The following UNC13C variants were observed in gnomAD, a reference collection of about 807,000 sequenced individuals.
UNC13C encodes protein unc-13 homolog C.
UNC13C carries 174 observed loss-of-function variants against 245.4 expected under a neutral mutation model. The observed-to-expected ratio is 0.71, with a 90% CI of 0.63 to 0.80. The LOEUF (loss-of-function observed/expected upper bound fraction) is 0.80, where lower values mean the gene tolerates loss of function less well. UNC13C is among the 30% of genes least tolerant of loss of function. UNC13C has a pLI of 0.00. For missense variants in UNC13C, 2,829 were observed against 2,602.9 expected (o/e 1.09, Z -1.89); for synonymous variants, 992 against 895.1 (o/e 1.11, Z -1.93).
At chr15:54,414,184 T>A (rs1398147759) in intron 18 of UNC13C, among the ~76,000 whole-genome samples, 1 of 152,158 alleles carries the variant, frequency 6.6e-6, no homozygotes, top group East Asian at 1.9e-4. Flanking sequence ...GAGTGAGGAA[T>A]CTTTGTTCAT....
intron 2 of UNC13C, among the ~76,000 whole-genome samples, chr15:54,046,447 G>A (rs759463681): frequency 1.3e-5 from 2 of 151,974 alleles, no homozygotes; most frequent in Middle Eastern, 3.2e-3. Context: ...ATATTTCAAC[G>A]TAATTTTAAT....
the UNC13C span, among the ~76,000 whole-genome samples, chr15:53,902,944 G>C: frequency 6.6e-5 from 10 of 152,330 alleles, no homozygotes; most frequent in Non-Finnish European, 1.5e-4. Flanking sequence ...CAAAGGGTTG[G>C]TAGGGACAGT....
At position 54,623,802 on chromosome 15, in the gene UNC13C, T is replaced by G. The variant is rs376895148; in HGVS notation, c.6207T>G (p.Ala2069=). ...GDHKVTVKVI[A]INDLNWQTTA... The stretch of plus-strand genomic sequence containing the variant: ...ATATTTCCTTTTTTTTAGTGATTGC[T>G]ATTAATGACCTAAACTGGCAGACCA... The change falls in exon 32 of 33, where the codon GCT becomes GCG. Residue 2069 remains alanine (A), a synonymous_variant. Coordinates refer to ENST00000260323, the MANE Select transcript of UNC13C (RefSeq NM_001080534.3). 6 of 1,611,964 alleles carry G rather than the reference T, an allele frequency of 3.7e-6. No homozygotes were observed. The African/African-American group carries it at 5.3e-5, about 14-fold the overall frequency.
chr15:54,009,812 AACTTTCTT>A (rs1895303635), intron 1 of UNC13C, among the ~76,000 whole-genome samples: 1 of 152,142 alleles, frequency 6.6e-6, no homozygotes, highest in Non-Finnish European at 1.5e-5. Flanking sequence ...CCAAGGAAGT[AACTTTCTT>A]ATGACCACAC....
chr15:54,585,893 C>G (rs1898465039), intron 30 of UNC13C, among the ~76,000 whole-genome samples: 1 of 152,160 alleles, frequency 6.6e-6, no homozygotes. Flanking sequence ...CCTAAATTCC[C>G]TTAGTAATTG....
At chr15:53,898,206 C>T in the UNC13C span, among the ~76,000 whole-genome samples, 8,417 of 150,942 alleles carry the variant, frequency 0.056, 296 homozygotes, top group Middle Eastern at 0.15. Context: ...ACCACCACCA[C>T]CATCATCATC....
chr15:54,363,435 A>G (rs2039283556), intron 17 of UNC13C, among the ~76,000 whole-genome samples: 1 of 152,188 alleles, frequency 6.6e-6, no homozygotes, highest in Admixed American at 6.5e-5. Context: ...TATCGAGGTG[A>G]ATATGTCACA....
intron 2 of UNC13C, among the ~76,000 whole-genome samples, chr15:54,082,633 G>C (rs1054064876): frequency 6.6e-6 from 1 of 152,114 alleles, no homozygotes; most frequent in African/African-American, 2.4e-5. Flanking sequence ...TTTTGGAGTT[G>C]TCAAAACACT....
Position 54,144,294 on chromosome 15 carries a change from A to G in UNC13C, c.3071+610A>G, listed in dbSNP as rs189648804. On this transcript the variant is annotated intron_variant, in intron 4 of 32. Transcript: ENST00000260323. ...ATTTTTCTACGTGTTTGCAATACGT[A>G]TCTGTGTTCATATAAAATAAGTAGT... Among the ~76,000 whole-genome samples the G allele has an allele frequency of 7.9e-4, 119 of 151,206 alleles. 1 individual carries two copies. Among genetic ancestry groups the G allele is most frequent in the Non-Finnish European group, 2.9e-4 (20 of 67,868 alleles).
chr15:54,517,117 A>G (rs1234436875), intron 24 of UNC13C, among the ~76,000 whole-genome samples: 1 of 152,136 alleles, frequency 6.6e-6, no homozygotes, highest in Non-Finnish European at 1.5e-5. Flanking sequence ...AACAGAGGCC[A>G]AATTTTACAT....
At chr15:54,530,726 C>G (rs1189191755) in intron 25 of UNC13C, among the ~76,000 whole-genome samples, 1 of 152,056 alleles carries the variant, frequency 6.6e-6, no homozygotes, top group Admixed American at 6.6e-5. Flanking sequence ...GGGAATATAA[C>G]AGTGGCCATG....
chr15:54,161,484 T>A (rs952432162), intron 4 of UNC13C, among the ~76,000 whole-genome samples: 2 of 152,110 alleles, frequency 1.3e-5, no homozygotes, highest in Non-Finnish European at 2.9e-5. Context: ...ATTTATTAAT[T>A]TAATTATATT....
intron 29 of UNC13C, among the ~76,000 whole-genome samples, chr15:54,559,390 T>C (rs189993742): frequency 6.6e-6 from 1 of 152,060 alleles, no homozygotes; most frequent in African/African-American, 2.4e-5. Context: ...CAAGGGCTTT[T>C]TCTCAGCATC....
At position 53,989,896 on chromosome 15, in the gene UNC13C, C is replaced by T. The variant is rs544479155; in HGVS notation, c.-257+10969C>T. Among the ~76,000 whole-genome samples the T allele has an allele frequency of 7.2e-5, 11 of 152,116 alleles. No homozygotes were observed. The East Asian group carries it at 2.1e-3, about 29-fold the overall frequency. Reference sequence around the variant, plus strand: ...CATCTCAGAGTTTGGAGATCTCTGACACTGTCATGATAAGGAAACCAGAGG... The same window carrying T: ...CATCTCAGAGTTTGGAGATCTCTGATACTGTCATGATAAGGAAACCAGAGG... On this transcript the variant is annotated intron_variant, in intron 1 of 32. Transcript: ENST00000260323.
At chr15:54,400,886 G>A (rs2040168084) in intron 18 of UNC13C, among the ~76,000 whole-genome samples, 1 of 152,080 alleles carries the variant, frequency 6.6e-6, no homozygotes, top group Admixed American at 6.6e-5. Context: ...GTCTCCTAAT[G>A]TTAAGAAAAT....
intron 22 of UNC13C, among the ~76,000 whole-genome samples, chr15:54,505,665 C>T (rs1429665432): frequency 1.3e-5 from 2 of 151,272 alleles, no homozygotes; most frequent in Non-Finnish European, 1.5e-5. Flanking sequence ...TTCAAGTGTA[C>T]ATTGTACATT....
At chr15:54,629,259 G>T (rs1442987002), downstream of UNC13C, 1 of 152,056 alleles carries the variant, frequency 6.6e-6, no homozygotes, top group Non-Finnish European at 1.5e-5. Context: ...CACTAAGGGG[G>T]CAACAACAGA....
chr15:54,024,238 T>TA (rs1392294411), intron 2 of UNC13C, among the ~76,000 whole-genome samples: 1 of 152,176 alleles, frequency 6.6e-6, no homozygotes, highest in East Asian at 1.9e-4. Context: ...TTTAGGACTC[T>TA]AACTCTGGAT....
At chr15:54,080,019 T>TTTTTTTG (rs1898855616) in intron 2 of UNC13C, among the ~76,000 whole-genome samples, 1 of 151,080 alleles carries the variant, frequency 6.6e-6, no homozygotes, top group Non-Finnish European at 1.5e-5. Context: ...TTTTTTTTTT[T>TTTTTTTG]TTATCATAAA....
Sources: allele counts gnomAD v4.1 joint callset (sites outside exome capture counted in the v4.1 genomes callset), GRCh38; gene constraint gnomAD v4.1.1; transcripts MANE v1.5; gene names NCBI Gene and HGNC (gene_info 2026-07-23, HGNC 2026-07-21).